The following PRELID2 variants were observed in gnomAD, a reference collection of about 807,000 sequenced individuals.
PRELID2 encodes PRELI domain-containing protein 2.
In PRELID2, 25 loss-of-function variants were observed where a neutral mutation model predicts 28.4. That is an observed-to-expected ratio of 0.88 (90% CI 0.64 to 1.23). The LOEUF (loss-of-function observed/expected upper bound fraction) is 1.23. Among genes scored for constraint, PRELID2 ranks in the 50% most tolerant of loss-of-function variants. The pLI, the probability that PRELID2 is intolerant of heterozygous loss-of-function variation, is 0.00. For missense variants in PRELID2, 201 were observed against 214.4 expected (o/e 0.94, Z 0.39); for synonymous variants, 76 against 71.6 (o/e 1.06, Z -0.31).
intron 1 of PRELID2, among the ~76,000 whole-genome samples, chr5:145,518,434 G>A (rs575063123): frequency 5.9e-5 from 9 of 152,168 alleles, no homozygotes; most frequent in South Asian, 4.1e-4. Context: ...TCCTGACCTC[G>A]TGATCCTCCC....
chr5:145,819,079 T>C (rs1754575929), intron 3 of PRELID2, among the ~76,000 whole-genome samples: 1 of 152,230 alleles, frequency 6.6e-6, no homozygotes, highest in African/African-American at 2.4e-5. Context: ...AACATGTATC[T>C]GGGCTCCTCC....
At chr5:145,483,990 G>T (rs1752190651) in intron 1 of PRELID2, among the ~76,000 whole-genome samples, 1 of 152,116 alleles carries the variant, frequency 6.6e-6, no homozygotes, top group African/African-American at 2.4e-5. Context: ...ACTGAAGGTT[G>T]GCTACTCAGA....
At chr5:145,334,798 G>T in the PRELID2 span, among the ~76,000 whole-genome samples, 2 of 142,982 alleles carry the variant, frequency 1.4e-5, no homozygotes, top group African/African-American at 2.6e-5. Flanking sequence ...TCACCACATT[G>T]GATATAGCAG....
At chr5:145,779,100 T>TA (rs1278850311) in intron 5 of PRELID2, among the ~76,000 whole-genome samples, 2 of 152,208 alleles carry the variant, frequency 1.3e-5, no homozygotes, top group Non-Finnish European at 2.9e-5. Context: ...TGTTAAAAGA[T>TA]AATAGAATGA....
At chr5:145,634,754 A>G (rs1170942814) in intron 1 of PRELID2, among the ~76,000 whole-genome samples, 1 of 152,224 alleles carries the variant, frequency 6.6e-6, no homozygotes, top group Non-Finnish European at 1.5e-5. Flanking sequence ...TCACTGCTTT[A>G]TCTCCATAAC....
chr5:145,787,424 A>AT (rs1358482759), intron 5 of PRELID2, among the ~76,000 whole-genome samples: 1 of 152,064 alleles, frequency 6.6e-6, no homozygotes, highest in Admixed American at 6.6e-5. Flanking sequence ...GAAGCTAGCA[A>AT]TTTTTTCACT....
downstream of PRELID2, among the ~76,000 whole-genome samples, chr5:145,752,315 G>A (rs374987172): frequency 2.6e-5 from 4 of 152,150 alleles, no homozygotes; most frequent in South Asian, 2.1e-4. Context: ...GAGTTGACAC[G>A]TACAGAAAGA....
chr5:145,705,969 C>T (rs1581078739), intron 1 of PRELID2, among the ~76,000 whole-genome samples: 1 of 151,532 alleles, frequency 6.6e-6, no homozygotes, highest in Non-Finnish European at 1.5e-5. Flanking sequence ...CACACACACA[C>T]ACTCCCCACA....
chr5:145,255,929 G>C, the PRELID2 span, among the ~76,000 whole-genome samples: 1 of 151,686 alleles, frequency 6.6e-6, no homozygotes, highest in Non-Finnish European at 1.5e-5. Context: ...AGAGAATGGG[G>C]AAAAAAGAAA....
intron 3 of PRELID2, chr5:145,819,657 A>G: frequency 1.8e-6 from 1 of 567,302 alleles, no homozygotes. Context: ...AATCATGAAC[A>G]GATTAGATAG....
chr5:145,241,207 CTATGAGACT>C, the PRELID2 span, among the ~76,000 whole-genome samples: 2 of 151,972 alleles, frequency 1.3e-5, no homozygotes, highest in African/African-American at 4.8e-5. Context: ...TTAGATACAT[CTATGAGACT>C]AGACTGTAAG....
At chr5:145,461,590 T>C in the PRELID2 span, among the ~76,000 whole-genome samples, 1 of 152,218 alleles carries the variant, frequency 6.6e-6, no homozygotes, top group African/African-American at 2.4e-5. Flanking sequence ...GCGTGAGCCA[T>C]CGTGCCCGGC....
At chr5:145,457,140 C>A in the PRELID2 span, among the ~76,000 whole-genome samples, 1 of 152,058 alleles carries the variant, frequency 6.6e-6, no homozygotes, top group Non-Finnish European at 1.5e-5. Context: ...AGTCTTGATT[C>A]TTTTCCTTTT....
the PRELID2 span, among the ~76,000 whole-genome samples, chr5:145,340,507 C>A: frequency 3.7e-4 from 57 of 152,184 alleles, no homozygotes; most frequent in African/African-American, 1.3e-3. Flanking sequence ...GTGGCTCATG[C>A]CTGTAATCCC....
At chr5:145,424,707 T>C in the PRELID2 span, among the ~76,000 whole-genome samples, 2 of 152,164 alleles carry the variant, frequency 1.3e-5, no homozygotes, top group Non-Finnish European at 2.9e-5. Context: ...CTGGGAGCTG[T>C]AGACCGGAGC....
the PRELID2 span, among the ~76,000 whole-genome samples, chr5:145,349,658 T>C: frequency 6.6e-6 from 1 of 152,148 alleles, no homozygotes; most frequent in African/African-American, 2.4e-5. Context: ...GAATTCTCTA[T>C]AGTTAACTTT....
chr5:145,342,335 A>G, the PRELID2 span, among the ~76,000 whole-genome samples: 1 of 152,182 alleles, frequency 6.6e-6, no homozygotes, highest in Non-Finnish European at 1.5e-5. Flanking sequence ...TGGTGAAGCA[A>G]TCACACAAAG....
intron 1 of PRELID2, among the ~76,000 whole-genome samples, chr5:145,714,667 T>C (rs1755793942): frequency 1.3e-5 from 2 of 152,194 alleles, no homozygotes; most frequent in Non-Finnish European, 2.9e-5. Context: ...TCCAATTTTG[T>C]CTGATTCTAA....
chr5:145,740,267 T>C (rs1471952467), intron 1 of PRELID2, among the ~76,000 whole-genome samples: 2 of 1,708 alleles, frequency 1.2e-3, no homozygotes, highest in African/African-American at 0.012. Flanking sequence ...ATTTATCAAA[T>C]ATATATATAT....
Sources: gnomAD v4.1 joint callset for allele counts (sites outside exome capture counted in the v4.1 genomes callset) on GRCh38, gnomAD v4.1.1 for gene constraint, MANE v1.5 for transcripts, NCBI Gene and HGNC (gene_info 2026-07-23, HGNC 2026-07-21) for gene names.